The following PXN variants were observed in gnomAD, a reference collection of about 807,000 sequenced individuals.
The protein encoded by PXN is testicular tissue protein Li 134.
PXN carries 61 observed loss-of-function variants against 103.6 expected under a neutral mutation model. The ratio of observed to expected loss-of-function variants is 0.59; its 90% CI spans 0.48 to 0.73. PXN has a LOEUF of 0.73. Ranked by LOEUF, PXN falls within the 30% of genes least tolerant of loss-of-function variation. PXN has a pLI of 0.00. For missense variants in PXN, 1,274 were observed against 1,460.3 expected, an observed-to-expected ratio of 0.87 and a Z score of 2.08; for synonymous variants, 562 against 607.8, an observed-to-expected ratio of 0.92 and a Z score of 1.11.
Position 120,215,239 on chromosome 12 carries a change from G to A in PXN, c.2438C>T (p.Pro813Leu). The A allele has an allele frequency of 6.3e-7, 1 of 1,590,662 alleles. No homozygotes were observed. Among genetic ancestry groups the A allele is most frequent in the Non-Finnish European group, 8.6e-7 (1 of 1,169,310 alleles). The change falls in exon 11 of 15, where the codon CCC (proline) becomes CTC (leucine). Residue 813 changes from proline (P) to leucine (L), a missense_variant. Coordinates refer to ENST00000637617, the MANE Select transcript of PXN (RefSeq NM_001385981.1). The surrounding 1 kb of genome is among the most constrained non-coding windows in gnomAD (Gnocchi z 4.9). ...CCCGGGCTTCGGGGGCCCCCCAGGG[G>A]GTGAGCTGCTCCCTGTCTTCCCCTG... is the stretch of plus-strand genomic sequence containing the variant. ...MAQGKTGSSS[P>L]PGGPPKPGSQ... is the part of the protein sequence containing the mutation.
At chr12:120,240,029 G>C (rs1024870962) in intron 1 of PXN, among the ~76,000 whole-genome samples, 17 of 151,484 alleles carry the variant, frequency 1.1e-4, no homozygotes, top group Admixed American at 1.1e-3. Context: ...TTTTGTCGCT[G>C]AACTACGTGG....
rs2136221555 is a variant in PXN at position 120,217,092 on chromosome 12, A to G, written c.1741T>C (p.Trp581Arg). ...ATGGGGTGTGCGTGGCCAGACTCCC[A>G]GCTCCTCCTGATCACAGATCGGATC... is the stretch of plus-strand genomic sequence containing the variant. ...GQIRSVIRRS[W>R]ESGHAHPMSR... Residue 581 changes from tryptophan to arginine, a missense_variant, in exon 8 of 15, where the codon TGG becomes CGG. By Grantham distance (101) the Trp-to-Arg change is moderately radical (BLOSUM62 -3). Transcript: ENST00000637617. This position sits in a 1 kb window ranked among gnomAD's most constrained non-coding sequence, Gnocchi z 4.1. 1.3e-6 allele frequency: 2 copies of G among 1,590,536 alleles called. No homozygotes were observed. Among genetic ancestry groups the G allele is most frequent in the African/African-American group, 1.3e-5 (1 of 74,942 alleles).
At position 120,228,609 on chromosome 12, in the gene PXN, C is replaced by T. The variant is rs1887385483; in HGVS notation, c.14-4232G>A. On this transcript the variant is annotated intron_variant, in intron 1 of 14. Coordinates refer to ENST00000637617, the MANE Select transcript of PXN (RefSeq NM_001385981.1). The surrounding 1 kb of genome is among the most constrained non-coding windows in gnomAD (Gnocchi z 4.7). Reference sequence around the variant, plus strand: ...CCGGGGAAGACTGGGGAGCCCCTGGCCATGGGCGCAGTGGGGAAGTTTCTA... The same window carrying T: ...CCGGGGAAGACTGGGGAGCCCCTGGTCATGGGCGCAGTGGGGAAGTTTCTA... 6.6e-6 allele frequency among the ~76,000 whole-genome samples: 1 copy of T among 152,218 alleles called. No homozygotes were observed. Among genetic ancestry groups the T allele is most frequent in the Admixed American group, 6.5e-5 (1 of 15,276 alleles).
At position 120,265,658 on chromosome 12, in the gene PXN, C is replaced by G; in HGVS notation, c.-29G>C. The G allele has an allele frequency of 6.8e-7, 1 of 1,460,926 alleles. No homozygotes were observed. Among genetic ancestry groups the G allele is most frequent in the Non-Finnish European group, 9.0e-7 (1 of 1,110,412 alleles). The allele number at this position is 1,460,926 out of a possible 1,614,324, so 90.5% of individuals were successfully genotyped here. ...CGGACCACGGGCGCCGGCTCAGGGT[C>G]GCGCTAGCTGCCCGTCCCGGGGCCG... On this transcript the variant is annotated 5_prime_UTR_variant, in exon 1 of 15. Coordinates refer to ENST00000637617, the MANE Select transcript of PXN (RefSeq NM_001385981.1). The surrounding 1 kb of genome is among the most constrained non-coding windows in gnomAD (Gnocchi z 5.7).
intron 1 of PXN, among the ~76,000 whole-genome samples, chr12:120,237,188 C>T (rs1889249643): frequency 6.7e-6 from 1 of 149,246 alleles, no homozygotes; most frequent in South Asian, 2.1e-4. Flanking sequence ...CACAGAATCT[C>T]ACTTCTATTG....
At chr12:120,234,122 T>C (rs1888586831) in intron 1 of PXN, among the ~76,000 whole-genome samples, 1 of 152,112 alleles carries the variant, frequency 6.6e-6, no homozygotes, top group African/African-American at 2.4e-5. Context: ...CTTCAAGGCC[T>C]GCATGGTGGC....
At chr12:120,238,613 A>C (rs896628873) in intron 1 of PXN, among the ~76,000 whole-genome samples, 1 of 152,208 alleles carries the variant, frequency 6.6e-6, no homozygotes, top group Non-Finnish European at 1.5e-5. Flanking sequence ...GAAACACCAC[A>C]CAGAAAGTCC....
In PXN at chr12:120,219,590, C is replaced by G; in HGVS notation, c.1333G>C (p.Gly445Arg). ...CCAGAGGGGGGCATTCTCTCAGGCC[C>G]GAATACCTCCGAAGCCCATGGCTGC... The part of the protein sequence containing the change: ...WEQPWASEVF[G>R]PERMPPSGAA... The change falls in exon 7 of 15, where the codon GGG (glycine) becomes CGG (arginine). Residue 445 changes from glycine to arginine, a missense_variant. Coordinates refer to ENST00000637617, the MANE Select transcript of PXN (RefSeq NM_001385981.1). This position sits in a 1 kb window ranked among gnomAD's most constrained non-coding sequence, Gnocchi z 6.5. 1 of 1,564,248 alleles carries G rather than the reference C, an allele frequency of 6.4e-7. No homozygotes were observed. The highest frequency in any genetic ancestry group is 8.6e-7 in the Non-Finnish European group (1 of 1,162,418).
At position 120,220,119 on chromosome 12, in the gene PXN, G is replaced by A. The variant is rs1189185134; in HGVS notation, c.832-28C>T. 1 of 894,658 alleles carries A rather than the reference G, an allele frequency of 1.1e-6. No individual in the cohort carries two copies. The highest frequency in any genetic ancestry group is 1.7e-5 in the African/African-American group (1 of 59,288). 55.4% of individuals were successfully genotyped at this position (894,658 alleles called of 1,614,324 possible). A position where few individuals can be genotyped will look rare whatever the true frequency, so the allele number is the denominator to read the frequency against. On this transcript the variant is annotated intron_variant, in intron 6 of 14. Coordinates refer to ENST00000637617, the MANE Select transcript of PXN (RefSeq NM_001385981.1). The surrounding 1 kb of genome is among the most constrained non-coding windows in gnomAD (Gnocchi z 6.1). ...GGAGAAGAGAGAAATGCAGAGGGGA[G>A]AGGAGAGAGAGAGATGAGGGGAGTG...
At chr12:120,264,538 T>C (rs1414271826) in intron 1 of PXN, among the ~76,000 whole-genome samples, 1 of 152,204 alleles carries the variant, frequency 6.6e-6, no homozygotes, top group Non-Finnish European at 1.5e-5. Context: ...CCCTTGGGTT[T>C]AGAGTCGGCT....
At position 120,228,887 on chromosome 12, in the gene PXN, G is replaced by A. The variant is rs1293801180; in HGVS notation, c.14-4510C>T. Reference sequence around the variant, plus strand: ...AGCTTTGGGTCGGGAGGCCGCCCTGGGGCAGGTGGCTGGGCAGAAACAGTG... The same window carrying A: ...AGCTTTGGGTCGGGAGGCCGCCCTGAGGCAGGTGGCTGGGCAGAAACAGTG... On this transcript the variant is annotated intron_variant, in intron 1 of 14. Transcript: ENST00000637617. This position sits in a 1 kb window ranked among gnomAD's most constrained non-coding sequence, Gnocchi z 4.7. 6.6e-6 allele frequency among the ~76,000 whole-genome samples: 1 copy of A among 152,184 alleles called. No homozygotes were observed. The highest frequency in any genetic ancestry group is 2.4e-5 in the African/African-American group (1 of 41,444).
intron 1 of PXN, among the ~76,000 whole-genome samples, chr12:120,234,036 T>C (rs549450097): frequency 2.0e-5 from 3 of 152,304 alleles, no homozygotes; most frequent in Admixed American, 1.3e-4. Flanking sequence ...ATGTAAATCA[T>C]TGTCTTAAAA....
At chr12:120,226,928 A>G (rs1886992865) in intron 1 of PXN, 6 of 991,364 alleles carry the variant, frequency 6.1e-6, no homozygotes, top group African/African-American at 1.7e-5. Flanking sequence ...TCCAGACCCA[A>G]GTCACTCTGC....
In PXN at chr12:120,219,333, T is replaced by C. The variant is rs778751514; in HGVS notation, c.1590A>G (p.Glu530=). The C allele has an allele frequency of 2.0e-5, 32 of 1,598,304 alleles. No individual in the cohort carries two copies. The highest frequency in any genetic ancestry group is 2.5e-5 in the Non-Finnish European group (30 of 1,179,804). ...GSVARPTQGP[E]TPRSPEGTTE... is the part of the protein sequence containing the mutation. ...TGGTGCCCTCTGGGCTCCTTGGGGT[T>C]TCAGGTCCCTGGGTTGGCCTGGCCA... Residue 530 remains glutamate (E), a synonymous_variant, in exon 7 of 15, where the codon GAA becomes GAG. Coordinates refer to ENST00000637617, the MANE Select transcript of PXN (RefSeq NM_001385981.1). The surrounding 1 kb of genome is among the most constrained non-coding windows in gnomAD (Gnocchi z 6.5).
rs1360666875 is a variant in PXN, at chr12:120,219,718, G to A, written c.1205C>T (p.Thr402Ile). The A allele has an allele frequency of 6.3e-7, 1 of 1,595,804 alleles. No individual in the cohort carries two copies. Among genetic ancestry groups the A allele is most frequent in the Non-Finnish European group, 8.5e-7 (1 of 1,178,680 alleles). ...AGCTGTGCTCCCAGCACAGGGTACA[G>A]TGTGGCAGCGGGGAGCCCCAGAGAG... ...SELSGAPRCH[T>I]VPCAGSTALQ... is the part of the protein sequence containing the mutation. The change falls in exon 7 of 15, where the codon ACT becomes ATT. Residue 402 changes from threonine to isoleucine, a missense_variant. Physicochemically the swap from Thr to Ile is moderately conservative, Grantham distance 89. Around this residue, in one of 2 missense-constraint regions of PXN, gnomAD observed 1,178 missense variants for 1,309.0 expected, o/e 0.90. Coordinates refer to ENST00000637617, the MANE Select transcript of PXN (RefSeq NM_001385981.1). This position sits in a 1 kb window ranked among gnomAD's most constrained non-coding sequence, Gnocchi z 6.5.
rs61748078 is a variant in PXN, at chr12:120,222,680, G to A, written c.564C>T (p.Ser188=). Residue 188 remains serine (S), a synonymous_variant, in exon 5 of 15, where the codon AGC becomes AGT. Transcript: ENST00000637617. The surrounding 1 kb of genome is among the most constrained non-coding windows in gnomAD (Gnocchi z 4.7). ...SPLYGVPETN[S]PLGGKAGPLT... Reference sequence around the variant, plus strand: ...GGGGCCCAGCTTTGCCTCCCAAGGGGCTGTTAGTCTCTGGGACACCATAGA... The same window carrying A: ...GGGGCCCAGCTTTGCCTCCCAAGGGACTGTTAGTCTCTGGGACACCATAGA... The A allele has an allele frequency of 8.1e-6, 13 of 1,609,262 alleles. No individual in the cohort carries two copies. The East Asian group carries it at 2.7e-4, about 33-fold the overall frequency.
rs977939629 is a variant in PXN at position 120,211,718 on chromosome 12, G to T, written c.*596C>A. ...TAGAACAAGAGCAGGTATAAAAGGG[G>T]AGGGCGGGTCTAAAAGGCAGGGGCA... On this transcript the variant is annotated 3_prime_UTR_variant, in exon 15 of 15. Coordinates refer to ENST00000637617, the MANE Select transcript of PXN (RefSeq NM_001385981.1). 8.7e-6 allele frequency: 3 copies of T among 344,538 alleles called. No homozygotes were observed. Among genetic ancestry groups the T allele is most frequent in the Non-Finnish European group, 1.7e-5 (3 of 172,450 alleles). 21.3% of individuals were successfully genotyped at this position (344,538 alleles called of 1,614,324 possible). A position where few individuals can be genotyped will look rare whatever the true frequency, so the allele number is the denominator to read the frequency against.
rs948163870 is a variant in PXN at position 120,211,945 on chromosome 12, C to T, written c.*369G>A. On this transcript the variant is annotated 3_prime_UTR_variant, in exon 15 of 15. Transcript: ENST00000637617. ...AGAGACCCCAACAGACCCTGCCTGC[C>T]CTTCCCTGCCCCCCGGCTGCACTGC... 1 of 549,754 alleles carries T rather than the reference C, an allele frequency of 1.8e-6. No individual in the cohort carries two copies. The highest frequency in any genetic ancestry group is 3.6e-6 in the Non-Finnish European group (1 of 281,194). 34.1% of individuals were successfully genotyped at this position (549,754 alleles called of 1,614,324 possible).
chr12:120,213,810 C>T lies in PXN; in HGVS notation c.2979+32G>A, dbSNP rs760608058. On this transcript the variant is annotated intron_variant, in intron 14 of 14. Transcript: ENST00000637617. This position sits in a 1 kb window ranked among gnomAD's most constrained non-coding sequence, Gnocchi z 4.2. ...CCCTCTCTCCCCACTGCCTGCTCCT[C>T]GCCCCTCCAGATGTGGTCAGGGGCT... 1.3e-5 allele frequency: 20 copies of T among 1,596,452 alleles called. No homozygotes were observed. The highest frequency in any genetic ancestry group is 2.3e-5 in the East Asian group (1 of 44,072).
Sources: allele counts gnomAD v4.1 joint callset (sites outside exome capture counted in the v4.1 genomes callset), GRCh38; gene constraint gnomAD v4.1.1; regional missense constraint gnomAD v4.1.1; non-coding constraint Gnocchi (gnomAD v3.1); transcripts MANE v1.5; gene names NCBI Gene and HGNC (gene_info 2026-07-23, HGNC 2026-07-21).